Variants in POU2F2 observed in about 807,000 individuals in gnomAD.
POU2F2 encodes POU domain, class 2, transcription factor 2.
POU2F2 carries 14 observed loss-of-function variants against 63.5 expected under a neutral mutation model. That is an observed-to-expected ratio of 0.22 (90% confidence interval 0.15 to 0.34). The LOEUF (loss-of-function observed/expected upper bound fraction) is 0.34, where lower values mean the gene tolerates loss of function less well. POU2F2 is among the 10% of genes least tolerant of loss of function. The pLI, the probability that POU2F2 is intolerant of heterozygous loss-of-function variation, is 1.00. For synonymous variants in POU2F2, 306 were observed against 348.6 expected (o/e 0.88, Z 1.36); for missense variants, 607 against 815.2 (o/e 0.74, Z 3.11).
intron 12 of POU2F2, 172 bp downstream of exon 12, chr19:42,093,657 G>A (rs748713847): frequency 1.9e-5 from 10 of 528,734 alleles, no homozygotes; most frequent in Admixed American, 3.3e-5. Flanking sequence ...AGTTGCTCCT[G>A]CAGAGGAGGG....
At chr19:42,170,530 G>C (rs1426935324) in intron 1 of POU2F2, among the ~76,000 whole-genome samples, 1 of 151,766 alleles carries the variant, frequency 6.6e-6, no homozygotes, top group Non-Finnish European at 1.5e-5. Flanking sequence ...CAAAAATGCA[G>C]AGTCCAACAA....
In POU2F2 at chr19:42,156,884, C is replaced by T. The variant is rs1198893740; in HGVS notation, c.-9+3448G>A. Reference sequence around the variant, plus strand: ...ACCTCACCAGACCCAGGATGAAAGCCGCTCACCTAGAGCAAAGCTTCTGCT... The same window carrying T: ...ACCTCACCAGACCCAGGATGAAAGCTGCTCACCTAGAGCAAAGCTTCTGCT... On this transcript the variant is annotated intron_variant, in intron 2 of 6. Transcript: ENST00000524801. The surrounding 1 kb of genome is among the most constrained non-coding windows in gnomAD (Gnocchi z 4.1). The T allele has an allele frequency of 6.6e-6, 1 of 152,260 alleles. No homozygotes were observed. The highest frequency in any genetic ancestry group is 2.4e-5 in the African/African-American group (1 of 41,448). 9.4% of individuals were successfully genotyped at this position (152,260 alleles called of 1,614,324 possible).
chr19:42,095,613 G>C lies in POU2F2; in HGVS notation c.952C>G (p.Arg318Gly). 1 of 1,612,936 alleles carries C rather than the reference G, an allele frequency of 6.2e-7. No homozygotes were observed. The highest frequency in any genetic ancestry group is 8.5e-7 in the Non-Finnish European group (1 of 1,179,752). ...PSLGFDGLPGRRRKKRTSIET... is the reference protein window; with the variant it reads ...PSLGFDGLPGGRRKKRTSIET... ...ATGCTGGTCCTCTTCTTGCGTCTCCGGCCGGGCAGGCCGTCGAAACCCAGG... is the reference window on the plus strand; with the variant it reads ...ATGCTGGTCCTCTTCTTGCGTCTCCCGCCGGGCAGGCCGTCGAAACCCAGG... Residue 318 changes from arginine to glycine, a missense_variant, in exon 10 of 15, where the codon CGG becomes GGG. Transcript: ENST00000692977. The surrounding 1 kb of genome is among the most constrained non-coding windows in gnomAD (Gnocchi z 7.1).
intron 1 of POU2F2, among the ~76,000 whole-genome samples, chr19:42,174,246 G>A (rs1017186471): frequency 1.3e-5 from 2 of 152,188 alleles, no homozygotes; most frequent in Non-Finnish European, 2.9e-5. Flanking sequence ...TCTCCATGCA[G>A]AAATGGTACT....
upstream of POU2F2, among the ~76,000 whole-genome samples, chr19:42,197,646 G>A (rs536279788): frequency 8.0e-4 from 122 of 152,286 alleles, no homozygotes; most frequent in African/African-American, 2.8e-3. Flanking sequence ...GGTGGGGGAA[G>A]GGCAGGAGGC....
At chr19:42,171,554 G>T (rs1236031935) in intron 1 of POU2F2, among the ~76,000 whole-genome samples, 1 of 151,978 alleles carries the variant, frequency 6.6e-6, no homozygotes. Flanking sequence ...TTGGGCATGG[G>T]GGGCAGTGCG....
At chr19:42,134,210 C>T (rs934053050), upstream of POU2F2, among the ~76,000 whole-genome samples, 2 of 142,946 alleles carry the variant, frequency 1.4e-5, no homozygotes, top group Non-Finnish European at 3.1e-5. Context: ...GGCTATAGGA[C>T]ATTATGGGGG....
upstream of POU2F2, among the ~76,000 whole-genome samples, chr19:42,176,372 G>A (rs1228810000): frequency 6.6e-6 from 1 of 151,990 alleles, no homozygotes; most frequent in East Asian, 1.9e-4. Context: ...TGGCCCGGGG[G>A]CAGCAGCGGC....
At chr19:42,179,600 A>G (rs116591872), upstream of POU2F2, among the ~76,000 whole-genome samples, 1,024 of 152,152 alleles carry the variant, frequency 6.7e-3, 14 homozygotes, top group African/African-American at 0.023. Flanking sequence ...AGCAGCTGCA[A>G]CCGCCCTTCG....
At chr19:42,110,450 A>G (rs1221011039) in intron 5 of POU2F2, 1 of 158,878 alleles carries the variant, frequency 6.3e-6, no homozygotes. Flanking sequence ...AACAACACCA[A>G]CAAGGAAACG....
chr19:42,188,595 C>CAGG (rs2035039432), intron 1 of POU2F2, among the ~76,000 whole-genome samples: 2 of 148,078 alleles, frequency 1.4e-5, no homozygotes, highest in Non-Finnish European at 1.5e-5. Context: ...TGCTTGAACC[C>CAGG]AGGAGGCGGA....
In POU2F2 at chr19:42,095,216, T is replaced by G; in HGVS notation, c.1197+70A>C. On this transcript the variant is annotated intron_variant, in intron 11 of 14. Transcript: ENST00000692977. This position sits in a 1 kb window ranked among gnomAD's most constrained non-coding sequence, Gnocchi z 7.1. ...GTTCTAGGCTCTGTGGACAACCAGG[T>G]AGGGTGGGCTTCACACAGGTGCCTG... 6.6e-7 allele frequency: 1 copy of G among 1,509,450 alleles called. No homozygotes were observed. Among genetic ancestry groups the G allele is most frequent in the Non-Finnish European group, 8.9e-7 (1 of 1,123,930 alleles). 93.5% of individuals were successfully genotyped at this position (1,509,450 alleles called of 1,614,324 possible).
At chr19:42,181,259 G>A (rs549013627) in intron 1 of POU2F2, among the ~76,000 whole-genome samples, 7 of 152,296 alleles carry the variant, frequency 4.6e-5, no homozygotes, top group South Asian at 2.1e-4. Flanking sequence ...ATGCAAAGAC[G>A]TACACCATAC....
chr19:42,188,072 T>C (rs1042578320), intron 1 of POU2F2, among the ~76,000 whole-genome samples: 1 of 151,996 alleles, frequency 6.6e-6, no homozygotes, highest in Admixed American at 6.6e-5. Flanking sequence ...GATTAGGTTA[T>C]AAAAGACTAT....
intron 1 of POU2F2, among the ~76,000 whole-genome samples, chr19:42,124,847 T>C (rs1174026179): frequency 6.6e-6 from 1 of 152,132 alleles, no homozygotes; most frequent in East Asian, 1.9e-4. Context: ...TTACAGGAAA[T>C]TCAAAAACGG....
At chr19:42,121,200 C>T (rs570455502) in intron 4 of POU2F2, among the ~76,000 whole-genome samples, 1 of 152,258 alleles carries the variant, frequency 6.6e-6, no homozygotes, top group South Asian at 2.1e-4. Context: ...AATAGCCAAA[C>T]CTGCCATCAG....
rs552536515 is a variant in POU2F2 at position 42,114,338 on chromosome 19, G to A, written c.369+2912C>T. 9.9e-5 allele frequency among the ~76,000 whole-genome samples: 15 copies of A among 152,200 alleles called. No individual in the cohort carries two copies. In the East Asian group the frequency reaches 2.7e-3, roughly 27 times the overall value. The stretch of plus-strand genomic sequence containing the variant: ...TCCTCGAGCAGATTCAGGCACGGCT[G>A]GGGGGAGGGAAGTCATCATGACTTC... On this transcript the variant is annotated intron_variant, in intron 5 of 14. Coordinates refer to ENST00000692977, the MANE Select transcript of POU2F2 (RefSeq NM_001394376.1).
At position 42,155,371 on chromosome 19, in the gene POU2F2, G is replaced by A. The variant is rs1023784832; in HGVS notation, c.-9+4961C>T. On this transcript the variant is annotated intron_variant, in intron 2 of 6. Transcript: ENST00000524801. This position sits in a 1 kb window ranked among gnomAD's most constrained non-coding sequence, Gnocchi z 4.2. Reference sequence around the variant, plus strand: ...GTTCCCCTCTCTGTGTTTCTGTCATGAGGTGCATGCTCCCTGGGTCTCCCT... The same window carrying A: ...GTTCCCCTCTCTGTGTTTCTGTCATAAGGTGCATGCTCCCTGGGTCTCCCT... 1.3e-5 allele frequency among the ~76,000 whole-genome samples: 2 copies of A among 152,082 alleles called. No homozygotes were observed. The highest frequency in any genetic ancestry group is 4.8e-5 in the African/African-American group (2 of 41,394).
chr19:42,134,217 G>A (rs7250019), upstream of POU2F2, among the ~76,000 whole-genome samples: 5 of 148,482 alleles, frequency 3.4e-5, no homozygotes, highest in African/African-American at 1.2e-4. Flanking sequence ...GGACATTATG[G>A]GGGGGGGCAA....
Sources: allele counts gnomAD v4.1 joint callset (sites outside exome capture counted in the v4.1 genomes callset), GRCh38; gene constraint gnomAD v4.1.1; non-coding constraint Gnocchi (gnomAD v3.1); transcripts MANE v1.5; gene names NCBI Gene and HGNC (gene_info 2026-07-23, HGNC 2026-07-21).